Variants in LATS1 observed in about 807,000 individuals in gnomAD.
LATS1 encodes the protein large tumor suppressor kinase 1.
A neutral mutation model predicts 106.6 loss-of-function variants in LATS1; 25 were observed. The ratio of observed to expected loss-of-function variants is 0.23; its 90% CI spans 0.17 to 0.33. The LOEUF is 0.33. LATS1 is among the 10% of genes least tolerant of loss of function. LATS1 has a pLI of 1.00. For synonymous variants in LATS1, 465 were observed against 455.6 expected, an observed-to-expected ratio of 1.02 and a Z score of -0.26; for missense variants, 1,040 against 1,382.6, an observed-to-expected ratio of 0.75 and a Z score of 3.93.
chr6:149,661,921 A>G lies in LATS1; in HGVS notation c.3201T>C (p.Asn1067=). The change falls in exon 8 of 8, where the codon AAT becomes AAC. Residue 1067 remains asparagine (N), a synonymous_variant. Coordinates refer to ENST00000543571, the MANE Select transcript of LATS1 (RefSeq NM_004690.4). ...AGAATGCATGTTCAGGATGCTTTCCATTTTTATACCATCCATTGAGAGTGT... is the reference window on the plus strand; with the variant it reads ...AGAATGCATGTTCAGGATGCTTTCCGTTTTTATACCATCCATTGAGAGTGT... The part of the protein sequence containing the change: ...VNDTLNGWYK[N]GKHPEHAFYE... 6.2e-7 allele frequency: 1 copy of G among 1,613,880 alleles called. No individual in the cohort carries two copies.
Position 149,658,837 on chromosome 6 carries a change from T to A in LATS1, c.*2892A>T, listed in dbSNP as rs114650596. On this transcript the variant is annotated 3_prime_UTR_variant, in exon 8 of 8. Coordinates refer to ENST00000543571, the MANE Select transcript of LATS1 (RefSeq NM_004690.4). Reference sequence around the variant, plus strand: ...ATGCATAACAGTATCTACAATTACATAATTATAGAACACATCTTATAAATA... The same window carrying A: ...ATGCATAACAGTATCTACAATTACAAAATTATAGAACACATCTTATAAATA... 1 of 152,284 alleles carries A rather than the reference T, an allele frequency of 6.6e-6. No homozygotes were observed. The highest frequency in any genetic ancestry group is 2.4e-5 in the African/African-American group (1 of 41,578). The allele number at this position is 152,284 out of a possible 1,614,324, so 9.4% of individuals were successfully genotyped here. A position where few individuals can be genotyped will look rare whatever the true frequency, so the allele number is the denominator to read the frequency against.
At chr6:149,704,928 A>ACACACACACACACAC (rs1582918935) in intron 1 of LATS1, among the ~76,000 whole-genome samples, 1 of 141,348 alleles carries the variant, frequency 7.1e-6, no homozygotes, top group African/African-American at 2.6e-5. Flanking sequence ...ACACACACAC[A>ACACACACACACACAC]ATTTGCAGCA....
At chr6:149,711,443 C>CTGAGGCAGAAGAAT (rs1784089117) in intron 1 of LATS1, among the ~76,000 whole-genome samples, 1 of 152,118 alleles carries the variant, frequency 6.6e-6, no homozygotes, top group Non-Finnish European at 1.5e-5. Context: ...ACTCAGGAGG[C>CTGAGGCAGAAGAAT]TGAGGCAGAA....
chr6:149,697,961 A>G (rs1267339150), intron 2 of LATS1, among the ~76,000 whole-genome samples: 1 of 152,086 alleles, frequency 6.6e-6, no homozygotes, highest in Non-Finnish European at 1.5e-5. Flanking sequence ...GTTGGTCTCG[A>G]ACTCCTGACC....
chr6:149,666,623 CAA>C (rs60169424), intron 7 of LATS1, among the ~76,000 whole-genome samples: 15 of 127,592 alleles, frequency 1.2e-4, no homozygotes, highest in East Asian at 2.2e-4. Flanking sequence ...GACTCTGTCT[CAA>C]AAAAAAAAAA....
At position 149,684,558 on chromosome 6, in the gene LATS1, G is replaced by C; in HGVS notation, c.531C>G (p.Ser177Arg). 2 of 1,608,032 alleles carry C rather than the reference G, an allele frequency of 1.2e-6. No individual in the cohort carries two copies. The highest frequency in any genetic ancestry group is 1.7e-6 in the Non-Finnish European group (2 of 1,175,520). ...NVQQSVNRKQ[S>R]WKGSKESLVP... ...CTAAGGATTCTTTAGAACCTTTCCA[G>C]CTCTGTTTGCGGTTAACTGATTGCT... is the stretch of plus-strand genomic sequence containing the variant. Residue 177 changes from serine to arginine, a missense_variant, in exon 4 of 8, where the codon AGC becomes AGG. By Grantham distance (110) the Ser-to-Arg change is moderately radical (BLOSUM62 -1). Around this residue, in one of 7 missense-constraint regions of LATS1, gnomAD observed 624 missense variants for 714.8 expected, o/e 0.87. Transcript: ENST00000543571.
intron 3 of LATS1, among the ~76,000 whole-genome samples, chr6:149,687,059 TTA>T (rs1782416447): frequency 2.0e-5 from 3 of 152,200 alleles, no homozygotes; most frequent in African/African-American, 7.2e-5. Context: ...TTAAACTTTA[TTA>T]AGTAGCAACC....
chr6:149,669,562 C>T (rs1168149653), intron 7 of LATS1, among the ~76,000 whole-genome samples: 1 of 151,958 alleles, frequency 6.6e-6, no homozygotes, highest in African/African-American at 2.4e-5. Flanking sequence ...AAGTTCAAGA[C>T]CAGCCTGGGC....
chr6:149,679,797 A>C, intron 5 of LATS1, 78 bp downstream of exon 5: 1 of 1,083,562 alleles, frequency 9.2e-7, no homozygotes, highest in Non-Finnish European at 1.3e-6. Context: ...TCCAGTGATG[A>C]TACCATCTTA....
chr6:149,711,492 G>A (rs1582932719), intron 1 of LATS1, among the ~76,000 whole-genome samples: 1 of 152,018 alleles, frequency 6.6e-6, no homozygotes, highest in African/African-American at 2.4e-5. Flanking sequence ...TGCAGTGAGC[G>A]GAGATTGTGC....
intron 7 of LATS1, among the ~76,000 whole-genome samples, chr6:149,670,171 C>CAAAAAAAAAAAAAAAAAAAA (rs1177166262): frequency 4.1e-4 from 13 of 31,584 alleles, no homozygotes; most frequent in Non-Finnish European, 6.6e-4. Flanking sequence ...AATTGCATCT[C>CAAAAAAAAAAAAAAAAAAAA]AAAAAAAAAA....
At chr6:149,714,754 C>T (rs1357307904) in intron 1 of LATS1, among the ~76,000 whole-genome samples, 2 of 152,170 alleles carry the variant, frequency 1.3e-5, no homozygotes, top group South Asian at 2.1e-4. Flanking sequence ...AGCCTGTTAT[C>T]ATGATGTTGC....
In LATS1 at chr6:149,683,959, G is replaced by A; in HGVS notation, c.1130C>T (p.Pro377Leu). The A allele has an allele frequency of 6.2e-7, 1 of 1,614,230 alleles. No homozygotes were observed. The highest frequency in any genetic ancestry group is 2.2e-5 in the East Asian group (1 of 44,884). ...GCTTTGTCCATTAGCTGCTGTCAGA[G>A]GATATGGAGGTGGTGGCTGCCGATT... is the stretch of plus-strand genomic sequence containing the variant. The part of the protein sequence containing the change: ...TVNRQPPPPY[P>L]LTAANGQSPS... Residue 377 changes from proline (P) to leucine (L), a missense_variant, in exon 4 of 8, where the codon CCT (proline) becomes CTT (leucine). Coordinates refer to ENST00000543571, the MANE Select transcript of LATS1 (RefSeq NM_004690.4).
rs1459807050 is a variant in LATS1 at position 149,718,079 on chromosome 6, T to TGTC, written c.-374_-372dup. On this transcript the variant is annotated 5_prime_UTR_variant, in exon 1 of 8. Coordinates refer to ENST00000543571, the MANE Select transcript of LATS1 (RefSeq NM_004690.4). ...CGCCGCCATTTTGCCTTCCACTCAG[T>TGTC]GTCGCCGCCGCCGCACTCCGCTGCA... is the stretch of plus-strand genomic sequence containing the variant. 1.3e-5 allele frequency: 4 copies of TGTC among 303,648 alleles called. No individual in the cohort carries two copies. The highest frequency in any genetic ancestry group is 5.9e-5 in the Admixed American group (1 of 16,852). 18.8% of individuals were successfully genotyped at this position (303,648 alleles called of 1,614,324 possible).
At chr6:149,689,904 A>C (rs1370063334) in intron 3 of LATS1, among the ~76,000 whole-genome samples, 1 of 152,044 alleles carries the variant, frequency 6.6e-6, no homozygotes, top group Non-Finnish European at 1.5e-5. Context: ...GTATCTCTTG[A>C]ATATTTAATT....
intron 3 of LATS1, 117 bp downstream of exon 3, chr6:149,694,957 A>G: frequency 1.2e-6 from 1 of 818,490 alleles, no homozygotes; most frequent in Non-Finnish European, 1.9e-6. Context: ...TTAATTTGAG[A>G]CTTTCATTTA....
At chr6:149,708,414 CA>C (rs58138010) in intron 1 of LATS1, among the ~76,000 whole-genome samples, 53,149 of 104,354 alleles carry the variant, frequency 0.51, 10,545 homozygotes, top group East Asian at 0.83. Flanking sequence ...GACTGGATCT[CA>C]AAAAAAAAAA....
chr6:149,676,355 A>G lies in LATS1; in HGVS notation c.2788T>C (p.Leu930=). 1 of 1,605,530 alleles carries G rather than the reference A, an allele frequency of 6.2e-7. No individual in the cohort carries two copies. The highest frequency in any genetic ancestry group is 2.2e-5 in the East Asian group (1 of 44,838). ...ACACCAACACTCCACCAATCACACA[A>G]CTGTGTGTATCCTAAAATAACAAAG... is the stretch of plus-strand genomic sequence containing the variant. ...EVLLRTGYTQ[L]CDWWSVGVIL... The change falls in exon 7 of 8, where the codon TTG becomes CTG. Residue 930 remains leucine, a synonymous_variant. Coordinates refer to ENST00000543571, the MANE Select transcript of LATS1 (RefSeq NM_004690.4).
chr6:149,693,193 G>A (rs1018276844), intron 3 of LATS1, among the ~76,000 whole-genome samples: 3 of 151,952 alleles, frequency 2.0e-5, no homozygotes, highest in Admixed American at 6.6e-5. Context: ...AACCCGGGAG[G>A]CGGAGGTTGG....
Sources: allele counts gnomAD v4.1 joint callset (sites outside exome capture counted in the v4.1 genomes callset), GRCh38; gene constraint gnomAD v4.1.1; regional missense constraint gnomAD v4.1.1; transcripts MANE v1.5; gene names NCBI Gene and HGNC (gene_info 2026-07-23, HGNC 2026-07-21).